ST6GALNAC1: variants seen among roughly 807,000 people sequenced by gnomAD.
ST6GALNAC1 encodes the protein alpha-N-acetylgalactosaminide alpha-2,6-sialyltransferase 1.
In ST6GALNAC1, 45 loss-of-function variants were observed where a neutral mutation model predicts 56.8. The ratio of observed to expected loss-of-function variants is 0.79; its 90% confidence interval spans 0.62 to 1.02. The LOEUF is 1.02. Ranked by LOEUF, ST6GALNAC1 falls within the 50% of genes least tolerant of loss-of-function variation. The probability of loss-of-function intolerance (pLI) is 0.00; values close to 1 mark genes in which losing one functional copy is unlikely to be tolerated. For synonymous variants in ST6GALNAC1, 295 were observed against 297.8 expected, an observed-to-expected ratio of 0.99 and a Z score of 0.10; for missense variants, 743 against 754.8, an observed-to-expected ratio of 0.98 and a Z score of 0.18.
At chr17:76,626,221 A>G in intron 6 of ST6GALNAC1, 68 bp downstream of exon 6, 1 of 1,576,904 alleles carries the variant, frequency 6.3e-7, no homozygotes, top group Non-Finnish European at 8.7e-7. Context: ...CCACCTGTCC[A>G]ACCCTTTAGA....
chr17:76,621,535 G>A (rs1341744875), downstream of ST6GALNAC1, among the ~76,000 whole-genome samples: 1 of 151,816 alleles, frequency 6.6e-6, no homozygotes, highest in Non-Finnish European at 1.5e-5. Flanking sequence ...GAGTGCAGTG[G>A]CATGATCTCG....
At chr17:76,638,110 C>CT (rs397744489) in intron 1 of ST6GALNAC1, among the ~76,000 whole-genome samples, 78,949 of 132,760 alleles carry the variant, frequency 0.59, 23,376 homozygotes, top group East Asian at 0.74. Context: ...ACAGCTCACT[C>CT]TTTTTTTTTT....
chr17:76,641,004 G>A (rs1445134782), intron 1 of ST6GALNAC1, among the ~76,000 whole-genome samples: 1 of 152,198 alleles, frequency 6.6e-6, no homozygotes, highest in East Asian at 1.9e-4. Flanking sequence ...TCTGTGGCCA[G>A]TGAGCCTTAT....
At chr17:76,634,848 C>T (rs1386358271) in intron 1 of ST6GALNAC1, among the ~76,000 whole-genome samples, 1 of 152,126 alleles carries the variant, frequency 6.6e-6, no homozygotes, top group Non-Finnish European at 1.5e-5. Flanking sequence ...CGTACCACTG[C>T]ACTCCAGCCT....
chr17:76,630,132 A>G (rs1202189501), intron 1 of ST6GALNAC1, among the ~76,000 whole-genome samples: 2 of 152,202 alleles, frequency 1.3e-5, no homozygotes, highest in African/African-American at 2.4e-5. Flanking sequence ...AGATATGTAC[A>G]TAGGACATAC....
intron 1 of ST6GALNAC1, among the ~76,000 whole-genome samples, chr17:76,635,738 A>G (rs1347050228): frequency 6.6e-6 from 1 of 152,224 alleles, no homozygotes; most frequent in African/African-American, 2.4e-5. Flanking sequence ...ATTCTGCAAT[A>G]TTCATTGAGT....
At chr17:76,639,638 AACACACACACACACACACACACACACAC>A (rs55706272) in intron 1 of ST6GALNAC1, among the ~76,000 whole-genome samples, 53 of 125,170 alleles carry the variant, frequency 4.2e-4, no homozygotes, top group African/African-American at 1.0e-3. Flanking sequence ...TTACATGATA[AACACACACACACACACACACACACACAC>A]ACACACACAC....
chr17:76,617,607 A>G, the ST6GALNAC1 span, among the ~76,000 whole-genome samples: 2 of 152,100 alleles, frequency 1.3e-5, no homozygotes, highest in Non-Finnish European at 2.9e-5. Context: ...CTGTCTCTAC[A>G]AAAAGTTTTT....
chr17:76,629,656 T>C lies in ST6GALNAC1; in HGVS notation c.187A>G (p.Lys63Glu). Residue 63 changes from lysine (K) to glutamate (E), a missense_variant, in exon 2 of 9, where the codon AAG becomes GAG. Coordinates refer to ENST00000156626, the MANE Select transcript of ST6GALNAC1 (RefSeq NM_018414.5). ...ERSLQSLAKP[K>E]SQAPTRARRT... ...CTTGCCCTTGTGGGTGCCTGGGACT[T>C]AGGCTTTGCCAGGGACTGTAGAGAC... 1 of 1,613,844 alleles carries C rather than the reference T, an allele frequency of 6.2e-7. No homozygotes were observed. Among genetic ancestry groups the C allele is most frequent in the Non-Finnish European group, 8.5e-7 (1 of 1,179,808 alleles).
chr17:76,624,956 A>C lies in ST6GALNAC1; in HGVS notation c.*374T>G, dbSNP rs899401631. The C allele has an allele frequency of 1.9e-5, 5 of 262,046 alleles. No individual in the cohort carries two copies. Among genetic ancestry groups the C allele is most frequent in the Admixed American group, 1.5e-4 (3 of 20,002 alleles). 16.2% of individuals were successfully genotyped at this position (262,046 alleles called of 1,614,324 possible). A position where few individuals can be genotyped will look rare whatever the true frequency, so the allele number is the denominator to read the frequency against. ...TTAAGTAATACCTTCAAGATTTCAC[A>C]ACTGTAAACTCGATCTGGAATTCAA... On this transcript the variant is annotated 3_prime_UTR_variant, in exon 9 of 9. Coordinates refer to ENST00000156626, the MANE Select transcript of ST6GALNAC1 (RefSeq NM_018414.5).
rs976728978 is a variant in ST6GALNAC1 at position 76,627,653 on chromosome 17, G to A, written c.832-70C>T. The A allele has an allele frequency of 5.4e-6, 8 of 1,470,582 alleles. No individual in the cohort carries two copies. Among genetic ancestry groups the A allele is most frequent in the Non-Finnish European group, 7.5e-6 (8 of 1,071,864 alleles). 91.1% of individuals were successfully genotyped at this position (1,470,582 alleles called of 1,614,324 possible). Reference sequence around the variant, plus strand: ...GCCATCGGCCAGGGGCTGCACCACTGCAGCAAGGGCTGGGGCTCGCAGTTT... The same window carrying A: ...GCCATCGGCCAGGGGCTGCACCACTACAGCAAGGGCTGGGGCTCGCAGTTT... On this transcript the variant is annotated intron_variant, in intron 2 of 8. Transcript: ENST00000156626. This position sits in a 1 kb window ranked among gnomAD's most constrained non-coding sequence, Gnocchi z 4.4.
chr17:76,643,756 A>G lies in ST6GALNAC1; in HGVS notation c.-118T>C, dbSNP rs1190586014. ...GAAGTGCACACCCTTTGTCTTAACA[A>G]TGAGCCACTCCGGCAAGTGCTGAGT... On this transcript the variant is annotated 5_prime_UTR_variant, in exon 1 of 9. Coordinates refer to ENST00000156626, the MANE Select transcript of ST6GALNAC1 (RefSeq NM_018414.5). 1.0e-6 allele frequency: 1 copy of G among 996,712 alleles called. No individual in the cohort carries two copies. The highest frequency in any genetic ancestry group is 1.5e-6 in the Non-Finnish European group (1 of 677,418). 61.7% of individuals were successfully genotyped at this position (996,712 alleles called of 1,614,324 possible).
intron 1 of ST6GALNAC1, among the ~76,000 whole-genome samples, chr17:76,635,092 T>C (rs1330912580): frequency 6.6e-6 from 1 of 152,206 alleles, no homozygotes; most frequent in Non-Finnish European, 1.5e-5. Context: ...TTTTCTCTTG[T>C]TATTCTGAGT....
chr17:76,628,295 T>TTTCC (rs1005086496), intron 2 of ST6GALNAC1, among the ~76,000 whole-genome samples: 1 of 64,020 alleles, frequency 1.6e-5, no homozygotes, highest in Non-Finnish European at 3.1e-5. Flanking sequence ...TCCTTCCGTC[T>TTTCC]TTCCTTCCTT....
At chr17:76,642,917 C>A (rs954796095) in intron 1 of ST6GALNAC1, among the ~76,000 whole-genome samples, 1 of 124,172 alleles carries the variant, frequency 8.1e-6, no homozygotes, top group African/African-American at 3.3e-5. Flanking sequence ...AGTGAGACTC[C>A]GTCTCAAAAA....
At chr17:76,623,571 G>A (rs2075761010), downstream of ST6GALNAC1, among the ~76,000 whole-genome samples, 1 of 152,136 alleles carries the variant, frequency 6.6e-6, no homozygotes, top group Non-Finnish European at 1.5e-5. Flanking sequence ...TGTTGCTCTT[G>A]TAAATGGGTT....
rs2075825501 is a variant in ST6GALNAC1, at chr17:76,627,700, C to T, written c.832-117G>A. Reference sequence around the variant, plus strand: ...GTTTGGAAGGCGCGGCCTCTGCTACCTCTTCCATTCTGTTCTCAGGGTCTG... The same window carrying T: ...GTTTGGAAGGCGCGGCCTCTGCTACTTCTTCCATTCTGTTCTCAGGGTCTG... On this transcript the variant is annotated intron_variant, in intron 2 of 8. Transcript: ENST00000156626. The surrounding 1 kb of genome is among the most constrained non-coding windows in gnomAD (Gnocchi z 4.4). The T allele has an allele frequency of 8.0e-6, 7 of 871,404 alleles. No homozygotes were observed. The South Asian group carries it at 8.2e-5, about 10-fold the overall frequency. The allele number at this position is 871,404 out of a possible 1,614,324, so 54.0% of individuals were successfully genotyped here.
At chr17:76,642,379 C>T (rs71384122) in intron 1 of ST6GALNAC1, among the ~76,000 whole-genome samples, 1 of 152,154 alleles carries the variant, frequency 6.6e-6, no homozygotes, top group Admixed American at 6.5e-5. Context: ...CTGTGTATCT[C>T]AGTGTCCTAA....
At chr17:76,631,471 A>C (rs1297084240) in intron 1 of ST6GALNAC1, among the ~76,000 whole-genome samples, 1 of 152,184 alleles carries the variant, frequency 6.6e-6, no homozygotes, top group African/African-American at 2.4e-5. Flanking sequence ...GGAAAAATTT[A>C]TTATAAGAAT....
Sources: gnomAD v4.1 joint callset for allele counts (sites outside exome capture counted in the v4.1 genomes callset) on GRCh38, gnomAD v4.1.1 for gene constraint, Gnocchi (gnomAD v3.1) non-coding constraint, MANE v1.5 for transcripts, NCBI Gene and HGNC (gene_info 2026-07-23, HGNC 2026-07-21) for gene names.